The following FAF1 variants were observed in gnomAD, a reference collection of about 807,000 sequenced individuals.
FAF1 encodes the protein FAS-associated factor 1.
FAF1 carries 25 observed loss-of-function variants against 92.5 expected under a neutral mutation model. That is an observed-to-expected ratio of 0.27 (90% CI 0.20 to 0.38). The LOEUF (loss-of-function observed/expected upper bound fraction) is 0.38, where lower values mean the gene tolerates loss of function less well. FAF1 is among the 10% of genes least tolerant of loss of function. FAF1 has a pLI of 1.00. For missense variants in FAF1, 636 were observed against 793.3 expected, an observed-to-expected ratio of 0.80 and a Z score of 2.38; for synonymous variants, 234 against 273.2, an observed-to-expected ratio of 0.86 and a Z score of 1.42.
chr1:50,563,149 A>G (rs962808694), intron 13 of FAF1, among the ~76,000 whole-genome samples: 4 of 152,216 alleles, frequency 2.6e-5, no homozygotes, highest in Admixed American at 2.6e-4. Context: ...CCTGGAACCA[A>G]TCCTGCATAA....
chr1:50,616,380 A>G (rs1052637369), intron 8 of FAF1, among the ~76,000 whole-genome samples: 7 of 152,154 alleles, frequency 4.6e-5, no homozygotes, highest in African/African-American at 1.7e-4. Flanking sequence ...GAAAAGTAAC[A>G]TTGGTAGTTT....
Position 50,440,989 on chromosome 1 carries a change from C to T in FAF1, c.*451G>A, listed in dbSNP as rs1646160826. 2 of 153,352 alleles carry T rather than the reference C, an allele frequency of 1.3e-5. No individual in the cohort carries two copies. Among genetic ancestry groups the T allele is most frequent in the African/African-American group, 4.8e-5 (2 of 41,484 alleles). 9.5% of individuals were successfully genotyped at this position (153,352 alleles called of 1,614,324 possible). The stretch of plus-strand genomic sequence containing the variant: ...CAATGTCTCATTTGACTTTTTTTCC[C>T]TCTGCCCCTTAAAATTAGGTGATGA... On this transcript the variant is annotated 3_prime_UTR_variant, in exon 19 of 19. Transcript: ENST00000396153.
intron 1 of FAF1, among the ~76,000 whole-genome samples, chr1:50,917,818 A>C (rs572508986): frequency 6.6e-6 from 1 of 152,312 alleles, no homozygotes; most frequent in Non-Finnish European, 1.5e-5. Context: ...TAAAAAGGTA[A>C]GTCACACACT....
At chr1:50,633,021 CT>C (rs1383269090) in intron 8 of FAF1, among the ~76,000 whole-genome samples, 1 of 152,032 alleles carries the variant, frequency 6.6e-6, no homozygotes, top group African/African-American at 2.4e-5. Flanking sequence ...TATTGCAATG[CT>C]GAGAATAGTG....
At chr1:50,464,682 A>G (rs1158521936) in intron 18 of FAF1, among the ~76,000 whole-genome samples, 2 of 152,084 alleles carry the variant, frequency 1.3e-5, no homozygotes, top group Non-Finnish European at 2.9e-5. Context: ...GCCATTACCA[A>G]CTCAAATGGC....
chr1:50,584,657 C>T, intron 10 of FAF1, 28 bp downstream of exon 10: 1 of 1,603,284 alleles, frequency 6.2e-7, no homozygotes, highest in Non-Finnish European at 8.5e-7. Flanking sequence ...AATTCTATTG[C>T]TGGACCCAAA....
At chr1:50,792,077 G>A (rs1329147467) in intron 3 of FAF1, among the ~76,000 whole-genome samples, 1 of 152,134 alleles carries the variant, frequency 6.6e-6, no homozygotes, top group Non-Finnish European at 1.5e-5. Context: ...AAGTGTCTAA[G>A]ACAACCATAT....
intron 2 of FAF1, among the ~76,000 whole-genome samples, chr1:50,841,701 T>C (rs896673892): frequency 6.6e-6 from 1 of 152,038 alleles, no homozygotes; most frequent in Non-Finnish European, 1.5e-5. Flanking sequence ...AGCCAATCTG[T>C]TAACATGGCA....
In FAF1 at chr1:50,705,897, AGGGTT is replaced by A; in HGVS notation, c.552-11_552-7del. ...TTAATGACTCCTGCAGGGCACTGAA[AGGGTT>A]GAAAGAAAAACAAGGAACTCAGAGA... On this transcript the variant is annotated splice_polypyrimidine_tract_variant and splice_region_variant and intron_variant, in intron 6 of 18. Coordinates refer to ENST00000396153, the MANE Select transcript of FAF1 (RefSeq NM_007051.3). The A allele has an allele frequency of 6.4e-7, 1 of 1,571,614 alleles. No homozygotes were observed. Among genetic ancestry groups the A allele is most frequent in the Admixed American group, 1.7e-5 (1 of 58,240 alleles).
intron 15 of FAF1, among the ~76,000 whole-genome samples, chr1:50,492,698 G>A (rs1038989843): frequency 6.6e-6 from 1 of 151,970 alleles, no homozygotes. Context: ...CTATAAAACT[G>A]GAAATTTCAT....
At chr1:50,701,256 A>G (rs548190285) in intron 7 of FAF1, among the ~76,000 whole-genome samples, 49 of 152,222 alleles carry the variant, frequency 3.2e-4, no homozygotes, top group African/African-American at 1.1e-3. Flanking sequence ...CTTGCAGTAA[A>G]AACAAACCAC....
intron 6 of FAF1, among the ~76,000 whole-genome samples, chr1:50,729,044 A>C (rs1277937376): frequency 0.058 from 5,017 of 86,602 alleles, 133 homozygotes; most frequent in Non-Finnish European, 0.078. Flanking sequence ...CTATATATAT[A>C]TATATATATA....
chr1:50,456,025 AG>A (rs1646348573), intron 18 of FAF1, among the ~76,000 whole-genome samples: 1 of 152,054 alleles, frequency 6.6e-6, no homozygotes, highest in Non-Finnish European at 1.5e-5. Context: ...CAGTGAGCTG[AG>A]ATGGCACCAC....
intron 1 of FAF1, among the ~76,000 whole-genome samples, chr1:50,903,122 T>C (rs1017540796): frequency 1.3e-5 from 2 of 151,990 alleles, no homozygotes; most frequent in African/African-American, 2.4e-5. Flanking sequence ...AAGTCATCTT[T>C]TTATCCCCAG....
chr1:50,854,216 A>G (rs1570055430), intron 2 of FAF1, among the ~76,000 whole-genome samples: 1 of 152,032 alleles, frequency 6.6e-6, no homozygotes, highest in South Asian at 2.1e-4. Flanking sequence ...AGAAAGTGAG[A>G]CGTGGGTCAA....
intron 18 of FAF1, among the ~76,000 whole-genome samples, chr1:50,472,413 ACACACACAC>A (rs1646586533): frequency 1.3e-5 from 2 of 148,750 alleles, no homozygotes; most frequent in African/African-American, 5.1e-5. Flanking sequence ...ACACACACAC[ACACACACAC>A]AAACCCCAAA....
chr1:50,828,355 A>G (rs931130217), intron 2 of FAF1, among the ~76,000 whole-genome samples: 18 of 147,960 alleles, frequency 1.2e-4, no homozygotes. Context: ...TGCAAGCTCC[A>G]CCTCCTGGGT....
intron 17 of FAF1, among the ~76,000 whole-genome samples, chr1:50,486,643 G>T (rs1343267932): frequency 6.6e-6 from 1 of 151,776 alleles, no homozygotes; most frequent in African/African-American, 2.4e-5. Context: ...ATAATGTATG[G>T]TATCTTTTCC....
At chr1:50,926,546 G>T (rs949225346) in intron 1 of FAF1, among the ~76,000 whole-genome samples, 8 of 151,540 alleles carry the variant, frequency 5.3e-5, no homozygotes, top group African/African-American at 1.9e-4. Context: ...ATAATTTATT[G>T]TATATTTTCA....
Sources: allele counts gnomAD v4.1 joint callset (sites outside exome capture counted in the v4.1 genomes callset), GRCh38; gene constraint gnomAD v4.1.1; transcripts MANE v1.5; gene names NCBI Gene and HGNC (gene_info 2026-07-23, HGNC 2026-07-21).